Variants in TAFA5 observed in about 807,000 individuals in gnomAD.
TAFA5 encodes TAFA chemokine like family member 5, also known as chemokine-like protein TAFA-5.
TAFA5 carries 6 observed loss-of-function variants against 15.3 expected under a neutral mutation model. The ratio of observed to expected loss-of-function variants is 0.39; its 90% CI spans 0.21 to 0.77. TAFA5 has a LOEUF of 0.77. Among genes scored for constraint, TAFA5 ranks in the 30% least tolerant of loss-of-function variants. The pLI is 0.41. For synonymous variants in TAFA5, 103 were observed against 80.7 expected, an observed-to-expected ratio of 1.28 and a Z score of -1.48; for missense variants, 161 against 193.1, an observed-to-expected ratio of 0.83 and a Z score of 0.98.
At chr22:48,688,331 T>G (rs923627519) in intron 2 of TAFA5, among the ~76,000 whole-genome samples, 1 of 152,234 alleles carries the variant, frequency 6.6e-6, no homozygotes, top group African/African-American at 2.4e-5. Flanking sequence ...TTATGCTGTC[T>G]AGAAGTTGTA....
intron 2 of TAFA5, among the ~76,000 whole-genome samples, chr22:48,686,878 TGATG>T (rs961630826): frequency 1.4e-5 from 2 of 140,104 alleles, no homozygotes; most frequent in African/African-American, 5.4e-5. Context: ...TAGATGGAGA[TGATG>T]GATGGATTGA....
intron 1 of TAFA5, among the ~76,000 whole-genome samples, chr22:48,512,195 G>A (rs889166792): frequency 6.6e-6 from 1 of 152,240 alleles, no homozygotes; most frequent in African/African-American, 2.4e-5. Flanking sequence ...GTGGGAGGAG[G>A]TGGAGGAGAT....
intron 3 of TAFA5, among the ~76,000 whole-genome samples, chr22:48,716,635 T>A (rs1385127328): frequency 6.6e-6 from 1 of 152,350 alleles, no homozygotes; most frequent in Admixed American, 6.5e-5. Context: ...TGTGTACCTA[T>A]GTAACAAACC....
intron 1 of TAFA5, among the ~76,000 whole-genome samples, chr22:48,516,360 C>T (rs768949942): frequency 8.5e-5 from 13 of 152,090 alleles, no homozygotes; most frequent in South Asian, 4.1e-4. Flanking sequence ...TTAATTCCTG[C>T]GATTCCCATT....
chr22:48,698,090 ATAATGGTGG>A (rs1928781546), intron 2 of TAFA5, among the ~76,000 whole-genome samples: 1 of 123,320 alleles, frequency 8.1e-6, no homozygotes, highest in Admixed American at 8.1e-5. Context: ...GATGGTGGTG[ATAATGGTGG>A]TGGTGGTGGT....
chr22:48,576,112 G>C (rs1024489529), intron 1 of TAFA5, among the ~76,000 whole-genome samples: 9 of 140,856 alleles, frequency 6.4e-5, no homozygotes, highest in East Asian at 4.3e-4. Context: ...TGGCGGTGCG[G>C]CTCCGGGGGC....
intron 1 of TAFA5, among the ~76,000 whole-genome samples, chr22:48,571,574 G>GTTT (rs57578802): frequency 0.033 from 955 of 29,038 alleles, 211 homozygotes; most frequent in Non-Finnish European, 0.046. Flanking sequence ...TGCCTGGCCT[G>GTTT]TTTTTTTTTT....
At chr22:48,608,684 C>T (rs527582113) in intron 1 of TAFA5, among the ~76,000 whole-genome samples, 4 of 152,300 alleles carry the variant, frequency 2.6e-5, no homozygotes, top group South Asian at 2.1e-4. Context: ...TTTACCTGTG[C>T]GTGCCAGATG....
At chr22:48,700,407 G>A (rs1164100249) in intron 2 of TAFA5, among the ~76,000 whole-genome samples, 1 of 152,168 alleles carries the variant, frequency 6.6e-6, no homozygotes, top group African/African-American at 2.4e-5. Flanking sequence ...GGTACGACTA[G>A]AGCTCCCGGG....
chr22:48,744,138 T>C (rs951378832), intron 3 of TAFA5, among the ~76,000 whole-genome samples: 5 of 152,114 alleles, frequency 3.3e-5, no homozygotes, highest in African/African-American at 9.7e-5. Flanking sequence ...TCCCAGAATG[T>C]GTGTCTTCGG....
In TAFA5 at chr22:48,681,371, G is replaced by A. The variant is rs1044078021; in HGVS notation, c.263-26346G>A. Reference sequence around the variant, plus strand: ...AAAAACCAGAGATGAGGCCGGGTGCGGTGGCTCACACCTGTAATCCTAGCA... The same window carrying A: ...AAAAACCAGAGATGAGGCCGGGTGCAGTGGCTCACACCTGTAATCCTAGCA... On this transcript the variant is annotated intron_variant, in intron 2 of 3. Coordinates refer to ENST00000402357, the MANE Select transcript of TAFA5 (RefSeq NM_001082967.3). Among the ~76,000 whole-genome samples the A allele has an allele frequency of 5.3e-5, 8 of 152,120 alleles. No individual in the cohort carries two copies. The East Asian group carries it at 9.7e-4, about 18-fold the overall frequency.
intron 1 of TAFA5, among the ~76,000 whole-genome samples, chr22:48,505,091 T>C (rs893640726): frequency 6.6e-6 from 1 of 152,186 alleles, no homozygotes; most frequent in Non-Finnish European, 1.5e-5. Context: ...ACCTGCTGAA[T>C]GGCCTGTCTA....
intron 2 of TAFA5, among the ~76,000 whole-genome samples, chr22:48,700,862 G>T (rs1029911985): frequency 5.3e-5 from 8 of 152,180 alleles, no homozygotes; most frequent in African/African-American, 1.9e-4. Flanking sequence ...AAGTTCAAAT[G>T]TCCGATCCCA....
chr22:48,546,555 A>G (rs1569021000), intron 1 of TAFA5: 1 of 470,986 alleles, frequency 2.1e-6, no homozygotes. Context: ...GATACGGATG[A>G]TGTGGACTGC....
At chr22:48,494,954 A>G (rs60110802) in intron 1 of TAFA5, among the ~76,000 whole-genome samples, 10,454 of 152,270 alleles carry the variant, frequency 0.069, 1,076 homozygotes, top group African/African-American at 0.22. Context: ...TTTATCTCCA[A>G]CTAGGCGAGC....
chr22:48,523,220 C>T (rs2071782), intron 1 of TAFA5, among the ~76,000 whole-genome samples: 24,996 of 152,232 alleles, frequency 0.16, 2,044 homozygotes, highest in Non-Finnish European at 0.17. Context: ...GCTTGGTGGG[C>T]ACTTCGTGGC....
At chr22:48,584,520 TACAC>T (rs1343027995) in intron 1 of TAFA5, among the ~76,000 whole-genome samples, 4 of 100,348 alleles carry the variant, frequency 4.0e-5, no homozygotes, top group East Asian at 3.3e-4. Flanking sequence ...CACACACACA[TACAC>T]ACCACACAAA....
chr22:48,617,043 G>T (rs746691236), intron 1 of TAFA5, among the ~76,000 whole-genome samples: 4 of 152,224 alleles, frequency 2.6e-5, no homozygotes, highest in Non-Finnish European at 5.9e-5. Context: ...GGGATGCCCT[G>T]TGCAGACCCA....
At chr22:48,688,683 T>A (rs1467308626) in intron 2 of TAFA5, among the ~76,000 whole-genome samples, 2 of 151,782 alleles carry the variant, frequency 1.3e-5, no homozygotes, top group East Asian at 3.9e-4. Flanking sequence ...TGAGAAACAG[T>A]GTGTCCTGAT....
Sources: allele counts gnomAD v4.1 joint callset (sites outside exome capture counted in the v4.1 genomes callset), GRCh38; gene constraint gnomAD v4.1.1; transcripts MANE v1.5; gene names NCBI Gene and HGNC (gene_info 2026-07-23, HGNC 2026-07-21).